Variants in GPC6 observed in about 807,000 individuals in gnomAD.
The protein encoded by GPC6 is glypican-6.
A neutral mutation model predicts 55.2 loss-of-function variants in GPC6; 14 were observed. The ratio of observed to expected loss-of-function variants is 0.25; its 90% CI spans 0.17 to 0.40. The LOEUF (loss-of-function observed/expected upper bound fraction) is 0.40, where lower values mean the gene tolerates loss of function less well. GPC6 is among the 10% of genes least tolerant of loss of function. The pLI is 1.00. For synonymous variants in GPC6, 278 were observed against 259.6 expected (o/e 1.07, Z -0.68); for missense variants, 641 against 708.5 (o/e 0.90, Z 1.08).
intron 2 of GPC6, among the ~76,000 whole-genome samples, chr13:93,674,242 C>T (rs1213868516): frequency 6.6e-6 from 1 of 152,124 alleles, no homozygotes; most frequent in Admixed American, 6.6e-5. Flanking sequence ...TGCCTTTAAA[C>T]AGTGTCATCC....
intron 1 of GPC6, among the ~76,000 whole-genome samples, chr13:93,485,026 G>A (rs1380715286): frequency 1.3e-5 from 2 of 152,176 alleles, no homozygotes; most frequent in Non-Finnish European, 2.9e-5. Flanking sequence ...GTATGGTAAA[G>A]GCAAAGAGGT....
chr13:94,215,867 G>A (rs563413153), intron 4 of GPC6, among the ~76,000 whole-genome samples: 6 of 152,150 alleles, frequency 3.9e-5, no homozygotes, highest in Non-Finnish European at 8.8e-5. Flanking sequence ...AAAAGAAAAG[G>A]GGTACATTTA....
At chr13:93,766,514 GTAAA>G (rs893219011) in intron 2 of GPC6, among the ~76,000 whole-genome samples, 62 of 151,940 alleles carry the variant, frequency 4.1e-4, no homozygotes, top group Admixed American at 1.1e-3. Context: ...TTTATAAAAG[GTAAA>G]TAAATAAATG....
chr13:94,283,913 G>A (rs902022155), intron 4 of GPC6, among the ~76,000 whole-genome samples: 1 of 152,220 alleles, frequency 6.6e-6, no homozygotes, highest in Non-Finnish European at 1.5e-5. Context: ...AGTAAGTTAT[G>A]CTATGTTGTG....
chr13:93,795,263 A>G (rs968592368), intron 2 of GPC6, among the ~76,000 whole-genome samples: 4 of 152,216 alleles, frequency 2.6e-5, no homozygotes, highest in Admixed American at 2.0e-4. Flanking sequence ...TTCTTACTAT[A>G]TTTTGCAAGA....
chr13:94,065,932 C>T (rs375402388), intron 4 of GPC6, among the ~76,000 whole-genome samples: 9 of 152,210 alleles, frequency 5.9e-5, no homozygotes, highest in African/African-American at 1.7e-4. Context: ...AGTAACACTT[C>T]CATCTCTGTG....
chr13:93,895,998 T>G (rs1875992464), intron 3 of GPC6, among the ~76,000 whole-genome samples: 1 of 151,976 alleles, frequency 6.6e-6, no homozygotes, highest in South Asian at 2.1e-4. Flanking sequence ...TGACTATAAT[T>G]AACAATAACT....
intron 2 of GPC6, among the ~76,000 whole-genome samples, chr13:93,686,885 A>G (rs560584729): frequency 4.0e-4 from 61 of 152,166 alleles, no homozygotes; most frequent in African/African-American, 1.1e-3. Flanking sequence ...TTAGCAATCA[A>G]TCTTTATATT....
intron 3 of GPC6, among the ~76,000 whole-genome samples, chr13:93,925,278 A>G (rs12865762): frequency 0.45 from 67,917 of 151,548 alleles, 15,710 homozygotes; most frequent in Non-Finnish European, 0.49. Flanking sequence ...AGTCTTTTCT[A>G]TTTTTTTTTA....
At chr13:93,762,769 A>G (rs1219047895) in intron 2 of GPC6, among the ~76,000 whole-genome samples, 4 of 152,244 alleles carry the variant, frequency 2.6e-5, no homozygotes, top group Non-Finnish European at 4.4e-5. Context: ...GTGCTGGTAT[A>G]CAGATAAAAT....
chr13:94,286,347 A>G lies in GPC6; in HGVS notation c.878-2A>G. ...ATAAATCATGTTCCTGTATTTTAAC[A>G]GATGCAATGCTCTTGGTGGCAGAGC... On this transcript the variant is annotated splice_acceptor_variant, in intron 4 of 8. Transcript: ENST00000377047. LOFTEE classifies it high-confidence loss of function. The G allele has an allele frequency of 6.2e-7, 1 of 1,613,724 alleles. No individual in the cohort carries two copies. The highest frequency in any genetic ancestry group is 8.5e-7 in the Non-Finnish European group (1 of 1,179,754).
intron 4 of GPC6, among the ~76,000 whole-genome samples, chr13:94,156,116 C>T (rs540369056): frequency 6.6e-6 from 1 of 152,262 alleles, no homozygotes; most frequent in African/African-American, 2.4e-5. Flanking sequence ...ATAGGACATA[C>T]TTCAGAAAAA....
intron 5 of GPC6, among the ~76,000 whole-genome samples, chr13:94,291,020 C>T (rs373494000): frequency 2.6e-5 from 4 of 152,156 alleles, no homozygotes; most frequent in African/African-American, 9.6e-5. Context: ...GGCGAAACCC[C>T]GTCTCTACTA....
rs1193738707 is a variant in GPC6, at chr13:94,270,993, T to A, written c.878-15356T>A. Reference sequence around the variant, plus strand: ...TTTTTTTTTTTTTTTTTTTTTTTTTTTTTTTTTTTTTTCTGAGACGGAGTC... The same window carrying A: ...TTTTTTTTTTTTTTTTTTTTTTTTTATTTTTTTTTTTTCTGAGACGGAGTC... On this transcript the variant is annotated intron_variant, in intron 4 of 8. Transcript: ENST00000377047. Among the ~76,000 whole-genome samples the A allele has an allele frequency of 5.5e-4, 67 of 122,910 alleles. 1 individual carries two copies. Among genetic ancestry groups the A allele is most frequent in the African/African-American group, 2.0e-3 (65 of 31,972 alleles). The allele number at this position is 122,910 out of a possible 152,430, so 80.6% of individuals were successfully genotyped here.
At chr13:93,303,904 T>C (rs568910102) in intron 1 of GPC6, among the ~76,000 whole-genome samples, 1 of 148,316 alleles carries the variant, frequency 6.7e-6, no homozygotes, top group Non-Finnish European at 1.5e-5. Context: ...ATGGAGTCTC[T>C]ATTGCCCAGG....
intron 4 of GPC6, among the ~76,000 whole-genome samples, chr13:94,083,357 A>G (rs1164453710): frequency 1.3e-5 from 2 of 152,174 alleles, no homozygotes; most frequent in East Asian, 3.9e-4. Flanking sequence ...TGACCTTGTG[A>G]TGCGCCCACC....
rs935631267 is a variant in GPC6, at chr13:94,406,534, A to G, written c.*3317A>G. ...TTAAATGTAAGGGATAGAAAATACTATTTTGTCTACACTGAAAAACATTAT... is the reference window on the plus strand; with the variant it reads ...TTAAATGTAAGGGATAGAAAATACTGTTTTGTCTACACTGAAAAACATTAT... On this transcript the variant is annotated 3_prime_UTR_variant, in exon 9 of 9. Transcript: ENST00000377047. 3 of 152,162 alleles carry G rather than the reference A, an allele frequency of 2.0e-5. No homozygotes were observed. The highest frequency in any genetic ancestry group is 7.2e-5 in the African/African-American group (3 of 41,468). The allele number at this position is 152,162 out of a possible 1,614,324, so 9.4% of individuals were successfully genotyped here. A position where few individuals can be genotyped will look rare whatever the true frequency, so the allele number is the denominator to read the frequency against.
At chr13:93,265,559 G>T (rs1877293127) in intron 1 of GPC6, among the ~76,000 whole-genome samples, 2 of 152,120 alleles carry the variant, frequency 1.3e-5, no homozygotes, top group South Asian at 2.1e-4. Context: ...GTTTAGACTT[G>T]TGTCCCATCC....
chr13:93,396,489 G>A (rs573370911), intron 1 of GPC6, among the ~76,000 whole-genome samples: 408 of 152,110 alleles, frequency 2.7e-3, no homozygotes, highest in African/African-American at 9.3e-3. Flanking sequence ...CTTGAACCCG[G>A]GAGGCGGAGG....
Sources: allele counts gnomAD v4.1 joint callset (sites outside exome capture counted in the v4.1 genomes callset), GRCh38; gene constraint gnomAD v4.1.1; transcripts MANE v1.5; gene names NCBI Gene and HGNC (gene_info 2026-07-23, HGNC 2026-07-21).